Variants in ATG7 observed in about 807,000 individuals in gnomAD.
ATG7 encodes the protein autophagy related 7.
ATG7 carries 70 observed loss-of-function variants against 82.4 expected under a neutral mutation model. The ratio of observed to expected loss-of-function variants is 0.85; its 90% CI spans 0.70 to 1.04. The LOEUF (loss-of-function observed/expected upper bound fraction) is 1.04, where lower values mean the gene tolerates loss of function less well. Ranked by LOEUF, ATG7 falls within the 50% of genes least tolerant of loss-of-function variation. ATG7 has a pLI of 0.00. For synonymous variants in ATG7, 287 were observed against 313.0 expected, an observed-to-expected ratio of 0.92 and a Z score of 0.88; for missense variants, 792 against 864.3, an observed-to-expected ratio of 0.92 and a Z score of 1.05.
intron 19 of ATG7, among the ~76,000 whole-genome samples, chr3:11,408,119 C>G (rs2080527594): frequency 6.6e-6 from 1 of 152,234 alleles, no homozygotes; most frequent in Non-Finnish European, 1.5e-5. Flanking sequence ...CAAGTTACCT[C>G]TTGAATGCTT....
chr3:11,484,398 G>GA, intron 20 of ATG7, among the ~76,000 whole-genome samples: 1 of 151,210 alleles, frequency 6.6e-6, no homozygotes, highest in Middle Eastern at 3.4e-3. Context: ...CTCAAAAAAT[G>GA]AAAAAACAAA....
At chr3:11,411,619 C>CAAAAAAAAAAAAAAAAAA (rs71055868) in intron 19 of ATG7, among the ~76,000 whole-genome samples, 2 of 71,758 alleles carry the variant, frequency 2.8e-5, no homozygotes, top group Non-Finnish European at 5.9e-5. Flanking sequence ...ACTCTGTCTC[C>CAAAAAAAAAAAAAAAAAA]AAAAAAAAAA....
At position 11,524,946 on chromosome 3, in the gene ATG7, C is replaced by T. The variant is rs541977523; in HGVS notation, c.2080-29865C>T. ...TGTTTAAAATAACACAGAAACAAACCTCGTATATTCTATATTTTCCCTAGC... is the reference window on the plus strand; with the variant it reads ...TGTTTAAAATAACACAGAAACAAACTTCGTATATTCTATATTTTCCCTAGC... On this transcript the variant is annotated intron_variant, in intron 20 of 20. Coordinates refer to ENST00000693202, the MANE Select transcript of ATG7 (RefSeq NM_001349232.2). 2.6e-5 allele frequency among the ~76,000 whole-genome samples: 4 copies of T among 152,276 alleles called. No individual in the cohort carries two copies. The East Asian group carries it at 7.7e-4, about 29-fold the overall frequency.
rs1429192158 is a variant in ATG7 at position 11,477,146 on chromosome 3, C to CT, written c.2079+50222dup. 4 of 1,289,698 alleles carry CT rather than the reference C, an allele frequency of 3.1e-6. No homozygotes were observed. In the African/African-American group the frequency reaches 6.1e-5, roughly 20 times the overall value. 79.9% of individuals were successfully genotyped at this position (1,289,698 alleles called of 1,614,324 possible). A position where few individuals can be genotyped will look rare whatever the true frequency, so the allele number is the denominator to read the frequency against. ...TTGTACCTGCCAGCATCTTTGAGAT[C>CT]TTCGGCTCTGGATGAAGCAGGAGAG... On this transcript the variant is annotated intron_variant, in intron 20 of 20. Coordinates refer to ENST00000693202, the MANE Select transcript of ATG7 (RefSeq NM_001349232.2).
chr3:11,506,568 A>C (rs1264362186), intron 20 of ATG7, among the ~76,000 whole-genome samples: 4 of 129,530 alleles, frequency 3.1e-5, no homozygotes, highest in Non-Finnish European at 4.8e-5. Context: ...AAAAAAAAAA[A>C]AAAAAAAAAA....
intron 19 of ATG7, among the ~76,000 whole-genome samples, chr3:11,423,179 A>C (rs1428377352): frequency 6.6e-6 from 1 of 152,168 alleles, no homozygotes; most frequent in South Asian, 2.1e-4. Flanking sequence ...AGGCCCAAAG[A>C]GAGGGAGAGA....
chr3:11,576,061 T>G, the ATG7 span, among the ~76,000 whole-genome samples: 1 of 152,224 alleles, frequency 6.6e-6, no homozygotes, highest in Non-Finnish European at 1.5e-5. Flanking sequence ...TAGCTTTAGT[T>G]TTTTAAGAAA....
At chr3:11,435,903 C>A (rs1228956773) in intron 20 of ATG7, among the ~76,000 whole-genome samples, 1 of 152,044 alleles carries the variant, frequency 6.6e-6, no homozygotes, top group Non-Finnish European at 1.5e-5. Context: ...CAGCATTTTG[C>A]AAATCATACC....
chr3:11,298,311 A>T (rs1042080151), intron 3 of ATG7, among the ~76,000 whole-genome samples: 1 of 152,242 alleles, frequency 6.6e-6, no homozygotes, highest in Non-Finnish European at 1.5e-5. Context: ...GATGCCATTT[A>T]CATGAAGTAG....
At chr3:11,332,896 G>A in intron 10 of ATG7, 76 bp from the exon 11 acceptor site, 1 of 1,334,898 alleles carries the variant, frequency 7.5e-7, no homozygotes, top group Non-Finnish European at 9.7e-7. Context: ...GTTTGCTGAA[G>A]CTCTTATGTG....
At chr3:11,488,977 G>C (rs995896168) in intron 20 of ATG7, among the ~76,000 whole-genome samples, 1 of 152,146 alleles carries the variant, frequency 6.6e-6, no homozygotes, top group East Asian at 1.9e-4. Context: ...CAGAAGGAAT[G>C]GTACCAGTTC....
intron 19 of ATG7, among the ~76,000 whole-genome samples, chr3:11,422,815 C>T (rs573359909): frequency 6.3e-4 from 76 of 120,486 alleles, no homozygotes; most frequent in African/African-American, 2.4e-3. Flanking sequence ...TGCAGTGTGG[C>T]GCAATCTCAG....
chr3:11,322,310 T>C (rs58192506), intron 9 of ATG7, among the ~76,000 whole-genome samples: 2 of 152,208 alleles, frequency 1.3e-5, no homozygotes, highest in African/African-American at 4.8e-5. Context: ...AGTAAATGAT[T>C]TAAGAATCGC....
chr3:11,456,926 C>T (rs1174482126), intron 20 of ATG7, among the ~76,000 whole-genome samples: 1 of 152,134 alleles, frequency 6.6e-6, no homozygotes, highest in Non-Finnish European at 1.5e-5. Context: ...TGTGACCATT[C>T]CAAGGGAGGA....
intron 19 of ATG7, among the ~76,000 whole-genome samples, chr3:11,412,415 T>C (rs964246260): frequency 5.9e-5 from 9 of 151,938 alleles, no homozygotes; most frequent in African/African-American, 2.2e-4. Flanking sequence ...TTGGTTTCAC[T>C]TTTTTTTGTT....
At chr3:11,367,965 C>G (rs989368688) in intron 18 of ATG7, among the ~76,000 whole-genome samples, 3 of 151,892 alleles carry the variant, frequency 2.0e-5, no homozygotes, top group African/African-American at 4.8e-5. Flanking sequence ...ATACCCAGCA[C>G]ACAGATCAGA....
At chr3:11,559,834 A>C (rs1169875838), downstream of ATG7, among the ~76,000 whole-genome samples, 1 of 152,118 alleles carries the variant, frequency 6.6e-6, no homozygotes, top group Non-Finnish European at 1.5e-5. Flanking sequence ...CCTTCCCATC[A>C]TGTCCACTGA....
At chr3:11,354,626 T>C (rs9873503) in intron 14 of ATG7, among the ~76,000 whole-genome samples, 88,267 of 137,870 alleles carry the variant, frequency 0.64, 27,721 homozygotes, top group East Asian at 0.68. Context: ...TCCAGTCTGG[T>C]CACAGAGTGA....
chr3:11,340,778 C>T (rs1440620511), intron 12 of ATG7, 43 bp downstream of exon 12: 9 of 1,545,830 alleles, frequency 5.8e-6, no homozygotes, highest in Non-Finnish European at 8.0e-6. Context: ...CTTTTTGTAA[C>T]CAAGACACAC....
Sources: allele counts gnomAD v4.1 joint callset (sites outside exome capture counted in the v4.1 genomes callset), GRCh38; gene constraint gnomAD v4.1.1; transcripts MANE v1.5; gene names NCBI Gene and HGNC (gene_info 2026-07-23, HGNC 2026-07-21).